JDP2: variants seen among roughly 807,000 people sequenced by gnomAD.
JDP2 encodes the protein progesterone receptor co-activator.
In JDP2, 9 loss-of-function variants were observed where a neutral mutation model predicts 17.1. That is an observed-to-expected ratio of 0.53 (90% confidence interval 0.32 to 0.92). JDP2 has a LOEUF of 0.92. JDP2 is among the 40% of genes least tolerant of loss of function. JDP2 has a pLI of 0.04. For synonymous variants in JDP2, 107 were observed against 95.6 expected, an observed-to-expected ratio of 1.12 and a Z score of -0.69; for missense variants, 179 against 220.0, an observed-to-expected ratio of 0.81 and a Z score of 1.18.
At chr14:75,443,923 G>C (rs985878163) in intron 2 of JDP2, among the ~76,000 whole-genome samples, 6 of 148,212 alleles carry the variant, frequency 4.0e-5, no homozygotes, top group Non-Finnish European at 7.4e-5. Flanking sequence ...TTTTTTTTGA[G>C]ACAGATTCTC....
chr14:75,462,070 C>T (rs1002795857), intron 3 of JDP2, among the ~76,000 whole-genome samples: 15 of 152,366 alleles, frequency 9.8e-5, no homozygotes, highest in African/African-American at 3.6e-4. Flanking sequence ...TTTGCTGCTA[C>T]CTCTGGGAAT....
At chr14:75,455,489 C>T (rs1159749160) in intron 2 of JDP2, among the ~76,000 whole-genome samples, 2 of 152,182 alleles carry the variant, frequency 1.3e-5, no homozygotes, top group Admixed American at 6.5e-5. Flanking sequence ...CCCCAGGTGG[C>T]TCATCTCAAT....
intron 2 of JDP2, 66 bp from the exon 3 acceptor site, chr14:75,461,360 T>A: frequency 8.4e-7 from 1 of 1,189,330 alleles, no homozygotes; most frequent in Non-Finnish European, 1.2e-6. Flanking sequence ...TCTGTCTATG[T>A]GTCAGGACAG....
At chr14:75,443,099 A>G (rs1885430678) in intron 2 of JDP2, among the ~76,000 whole-genome samples, 1 of 152,028 alleles carries the variant, frequency 6.6e-6, no homozygotes, top group Non-Finnish European at 1.5e-5. Flanking sequence ...GAACATTGAG[A>G]GGGTTTTCCC....
intron 2 of JDP2, among the ~76,000 whole-genome samples, chr14:75,439,338 C>T (rs899044068): frequency 1.1e-4 from 16 of 152,094 alleles, no homozygotes; most frequent in African/African-American, 1.2e-4. Flanking sequence ...TTTGTTTGGC[C>T]GGCTCAGTGT....
chr14:75,436,386 A>G (rs1032788126), intron 1 of JDP2, among the ~76,000 whole-genome samples: 2 of 152,198 alleles, frequency 1.3e-5, no homozygotes, highest in African/African-American at 4.8e-5. Flanking sequence ...TGCCAAATAC[A>G]TCTCTCTCCA....
At chr14:75,450,132 G>T (rs1016481941) in intron 2 of JDP2, among the ~76,000 whole-genome samples, 1 of 152,192 alleles carries the variant, frequency 6.6e-6, no homozygotes, top group Non-Finnish European at 1.5e-5. Flanking sequence ...GCTGCATCTG[G>T]CTGAGATACG....
intron 2 of JDP2, among the ~76,000 whole-genome samples, chr14:75,456,861 G>C (rs1176126995): frequency 3.3e-5 from 5 of 152,084 alleles, no homozygotes; most frequent in Non-Finnish European, 7.3e-5. Flanking sequence ...AGAGCAGGCT[G>C]TCTGAGGAGG....
At position 75,432,095 on chromosome 14, in the gene JDP2, C is replaced by CG. The variant is rs1031511628; in HGVS notation, c.-24+3843_-24+3844insG. On this transcript the variant is annotated intron_variant, in intron 1 of 3. Transcript: ENST00000651602. Reference sequence around the variant, plus strand: ...TGGCTCCAAAACCGCCACTCTTAACCCCCCCTTCCTCTTGGCCTGCAGAGC... The same window carrying CG: ...TGGCTCCAAAACCGCCACTCTTAACCGCCCCCTTCCTCTTGGCCTGCAGAGC... 3.8e-4 allele frequency: 217 copies of CG among 577,658 alleles called. 1 individual carries two copies. Among genetic ancestry groups the CG allele is most frequent in the Non-Finnish European group, 5.6e-4 (181 of 323,636 alleles). The allele number at this position is 577,658 out of a possible 1,614,324, so 35.8% of individuals were successfully genotyped here.
At chr14:75,461,278 C>A in intron 2 of JDP2, 148 bp from the exon 3 acceptor site, 2 of 641,848 alleles carry the variant, frequency 3.1e-6, no homozygotes, top group Non-Finnish European at 5.6e-6. Flanking sequence ...TTCCAACTCT[C>A]CAGGCAGTGG....
At position 75,465,643 on chromosome 14, in the gene JDP2, T is replaced by G. The variant is rs139992145; in HGVS notation, c.307-3647T>G. Among the ~76,000 whole-genome samples the G allele has an allele frequency of 1.1e-4, 17 of 152,232 alleles. No homozygotes were observed. In the East Asian group the frequency reaches 3.3e-3, roughly 29 times the overall value. ...CCATGCCCAGCCAATTCAAACAATC[T>G]TAATGCTTAAAGTCCCCTGGGCCAA... is the stretch of plus-strand genomic sequence containing the variant. On this transcript the variant is annotated intron_variant, in intron 3 of 3. Coordinates refer to ENST00000651602, the MANE Select transcript of JDP2 (RefSeq NM_001135048.2).
chr14:75,469,423 AG>A lies in JDP2; in HGVS notation c.441del (p.Thr148ProfsTer68). 1.9e-6 allele frequency: 3 copies of A among 1,614,164 alleles called. No individual in the cohort carries two copies. Among genetic ancestry groups the A allele is most frequent in the Non-Finnish European group, 2.5e-6 (3 of 1,180,022 alleles). Reference sequence around the variant, plus strand: ...TGCATCGTCCGGACCGACAGTGTCAAGACCCCCGAGTCAGAAGGCAACCCAC... The same window carrying A: ...TGCATCGTCCGGACCGACAGTGTCAAACCCCCGAGTCAGAAGGCAACCCAC... Reference protein sequence around the residue: ...PTCIVRTDSVKTPESEGNPLL... With the variant: ...PTCIVRTDSVXTPESEGNPLL... On this transcript the variant is annotated frameshift_variant, in exon 4 of 4. Transcript: ENST00000651602. LOFTEE classifies it high-confidence loss of function.
At chr14:75,446,309 CT>C (rs1885598496) in intron 2 of JDP2, among the ~76,000 whole-genome samples, 2 of 151,578 alleles carry the variant, frequency 1.3e-5, no homozygotes, top group South Asian at 4.2e-4. Flanking sequence ...CATATATTTC[CT>C]TTCCCAACAG....
At chr14:75,432,337 G>A (rs1396071719) in intron 1 of JDP2, 82 of 1,551,428 alleles carry the variant, frequency 5.3e-5, no homozygotes, top group Non-Finnish European at 6.8e-5. Flanking sequence ...ATGGTAGCAG[G>A]TACTATGCGC....
chr14:75,473,899 T>G lies in JDP2; in HGVS notation c.*4424T>G, dbSNP rs1053628486. 6.6e-6 allele frequency: 1 copy of G among 152,222 alleles called. No individual in the cohort carries two copies. Among genetic ancestry groups the G allele is most frequent in the Non-Finnish European group, 1.5e-5 (1 of 68,052 alleles). 9.4% of individuals were successfully genotyped at this position (152,222 alleles called of 1,614,324 possible). On this transcript the variant is annotated 3_prime_UTR_variant, in exon 4 of 4. Coordinates refer to ENST00000651602, the MANE Select transcript of JDP2 (RefSeq NM_001135048.2). ...GGGAGGGCCGCGGAGAGGAGGGAAC[T>G]AGGGATGCCACTGCAAGGGTAAGTA...
intron 1 of JDP2, among the ~76,000 whole-genome samples, chr14:75,437,355 A>G (rs935578195): frequency 2.0e-5 from 3 of 152,168 alleles, no homozygotes; most frequent in African/African-American, 4.8e-5. Context: ...TATGCAGAAT[A>G]GGATGTGTGA....
At chr14:75,462,948 A>G (rs1376809417) in intron 3 of JDP2, among the ~76,000 whole-genome samples, 1 of 152,204 alleles carries the variant, frequency 6.6e-6, no homozygotes, top group East Asian at 1.9e-4. Context: ...GGGAATCTTC[A>G]GGAAGTTTCT....
intron 3 of JDP2, 86 bp downstream of exon 3, chr14:75,461,616 CTG>C: frequency 9.5e-7 from 1 of 1,056,828 alleles, no homozygotes; most frequent in African/African-American, 1.6e-5. Flanking sequence ...TCAGATGTCT[CTG>C]TAGTCAATGA....
intron 2 of JDP2, among the ~76,000 whole-genome samples, chr14:75,447,055 G>A (rs1003103758): frequency 6.6e-6 from 1 of 152,120 alleles, no homozygotes; most frequent in Non-Finnish European, 1.5e-5. Flanking sequence ...ATTTAATATA[G>A]AACTAGGGAG....
Sources: allele counts gnomAD v4.1 joint callset (sites outside exome capture counted in the v4.1 genomes callset), GRCh38; gene constraint gnomAD v4.1.1; transcripts MANE v1.5; gene names NCBI Gene and HGNC (gene_info 2026-07-23, HGNC 2026-07-21).